Variants in OVCH1 observed in about 807,000 individuals in gnomAD.
OVCH1 encodes the protein ovochymase-1.
OVCH1 carries 139 observed loss-of-function variants against 138.4 expected under a neutral mutation model. The ratio of observed to expected loss-of-function variants is 1.00; its 90% CI spans 0.87 to 1.16. The LOEUF is 1.16. Ranked by LOEUF, OVCH1 falls within the 50% of genes most tolerant of loss-of-function variation. The probability of loss-of-function intolerance (pLI) is 0.00; values close to 1 mark genes in which losing one functional copy is unlikely to be tolerated. For missense variants in OVCH1, 1,367 were observed against 1,357.9 expected (o/e 1.01, Z -0.11); for synonymous variants, 453 against 467.8 (o/e 0.97, Z 0.41).
At chr12:29,486,810 A>C (rs1311908381) in intron 7 of OVCH1, 5 of 410,784 alleles carry the variant, frequency 1.2e-5, no homozygotes, top group Admixed American at 1.1e-4. Context: ...GTCTGATTTC[A>C]TTGCTCTTGT....
intron 22 of OVCH1, among the ~76,000 whole-genome samples, chr12:29,447,935 T>C (rs1313363453): frequency 6.6e-6 from 1 of 151,826 alleles, no homozygotes; most frequent in East Asian, 1.9e-4. Context: ...AGGCAAAAAT[T>C]CCAGCTCTCA....
downstream of OVCH1, chr12:29,423,143 G>A (rs1255363593): frequency 2.3e-6 from 1 of 434,950 alleles, no homozygotes; most frequent in Non-Finnish European, 4.6e-6. Context: ...TAGGAAATTG[G>A]GTCTCAATAT....
intron 9 of OVCH1, among the ~76,000 whole-genome samples, chr12:29,478,084 C>T (rs1942803979): frequency 6.6e-6 from 1 of 152,118 alleles, no homozygotes; most frequent in South Asian, 2.1e-4. Flanking sequence ...TTATAGAGAA[C>T]TAGAGATCCA....
rs369684348 is a variant in OVCH1, at chr12:29,468,337, AAATT to A, written c.1857-3122_1857-3119del. Among the ~76,000 whole-genome samples, 604 of 152,304 alleles carry A rather than the reference AAATT, an allele frequency of 4.0e-3. 4 individuals are homozygous for A. Among genetic ancestry groups the A allele is most frequent in the African/African-American group, 0.013 (527 of 41,562 alleles). On this transcript the variant is annotated intron_variant, in intron 16 of 27. Coordinates refer to ENST00000318184, the Ensembl canonical transcript of OVCH1. The stretch of plus-strand genomic sequence containing the variant: ...TAAAGAAATTAAGAAGTCAAAAATG[AAATT>A]AAATACAAATTCTTTTTGTGACTAA...
At chr12:29,416,508 C>T (rs1432459702) in intron 3 of OVCH1, among the ~76,000 whole-genome samples, 1 of 152,064 alleles carries the variant, frequency 6.6e-6, no homozygotes, top group Non-Finnish European at 1.5e-5. Flanking sequence ...TATGAAGGGG[C>T]TTGTCACTGA....
At chr12:29,470,589 G>T (rs1195455233) in intron 16 of OVCH1, among the ~76,000 whole-genome samples, 1 of 152,146 alleles carries the variant, frequency 6.6e-6, no homozygotes, top group East Asian at 1.9e-4. Flanking sequence ...TGGTATATAT[G>T]TGCCACATTT....
intron 16 of OVCH1, 111 bp from the exon 17 acceptor site, chr12:29,465,330 G>T: frequency 1.1e-6 from 1 of 878,268 alleles, no homozygotes; most frequent in East Asian, 2.8e-5. Context: ...AAGACGTTCT[G>T]AGGAAAAGAG....
In OVCH1 at chr12:29,476,765, A is replaced by ATG. The variant is rs1565600607; in HGVS notation, c.1377+336_1377+337insCA. Among the ~76,000 whole-genome samples, 18 of 54,070 alleles carry ATG rather than the reference A, an allele frequency of 3.3e-4. No individual in the cohort carries two copies. In the East Asian group the frequency reaches 4.9e-3, roughly 15 times the overall value. 35.5% of individuals were successfully genotyped at this position (54,070 alleles called of 152,430 possible). A position where few individuals can be genotyped will look rare whatever the true frequency, so the allele number is the denominator to read the frequency against. On this transcript the variant is annotated intron_variant, in intron 12 of 27. Transcript: ENST00000318184. ...TAAGTACACACGCGCGCACACACACACACACACACACACACACACACACAC... is the reference window on the plus strand; with the variant it reads ...TAAGTACACACGCGCGCACACACACATGCACACACACACACACACACACACAC...
At chr12:29,469,996 C>T (rs1043148256) in intron 16 of OVCH1, among the ~76,000 whole-genome samples, 3 of 152,000 alleles carry the variant, frequency 2.0e-5, no homozygotes, top group Non-Finnish European at 2.9e-5. Flanking sequence ...TAGTCTGGAT[C>T]GAAAACAAAT....
At chr12:29,403,854 G>T in the OVCH1 span, among the ~76,000 whole-genome samples, 2 of 152,048 alleles carry the variant, frequency 1.3e-5, no homozygotes, top group Non-Finnish European at 2.9e-5. Context: ...TGATCTTCCA[G>T]TGTTTGCCAA....
chr12:29,428,195 A>G (rs1941210763), intron 27 of OVCH1, among the ~76,000 whole-genome samples: 1 of 152,198 alleles, frequency 6.6e-6, no homozygotes, highest in Non-Finnish European at 1.5e-5. Flanking sequence ...GGCTAAAATG[A>G]GGAACTGCTA....
rs1443872349 is a variant in OVCH1, at chr12:29,444,139, C to T, written c.3017+6G>A. The stretch of plus-strand genomic sequence containing the variant: ...TCTTCCATTATAATAATCATGACTT[C>T]CTTACCCCATAGTAGTTCTGTGAGA... On this transcript the variant is annotated splice_donor_region_variant and intron_variant, in intron 24 of 27. Coordinates refer to ENST00000318184, the Ensembl canonical transcript of OVCH1. The T allele has an allele frequency of 1.3e-6, 2 of 1,594,536 alleles. No homozygotes were observed. The highest frequency in any genetic ancestry group is 2.7e-5 in the African/African-American group (2 of 73,768).
At chr12:29,493,329 G>C (rs947850003) in intron 4 of OVCH1, among the ~76,000 whole-genome samples, 1 of 151,974 alleles carries the variant, frequency 6.6e-6, no homozygotes, top group African/African-American at 2.4e-5. Flanking sequence ...ATTCTTTTGG[G>C]ATCCATTCTT....
chr12:29,414,198 G>A (rs1282993416), intron 3 of OVCH1, among the ~76,000 whole-genome samples: 1 of 151,828 alleles, frequency 6.6e-6, no homozygotes, highest in Non-Finnish European at 1.5e-5. Flanking sequence ...GCTAATTTTT[G>A]TATTTTTAGT....
chr12:29,479,102 T>C (rs145421399), intron 8 of OVCH1, among the ~76,000 whole-genome samples, 134 bp from the exon 10 acceptor site: 1 of 152,164 alleles, frequency 6.6e-6, no homozygotes, highest in Non-Finnish European at 1.5e-5. Context: ...TAAAAGGCAA[T>C]AGAACATTGT....
intron 14 of OVCH1, among the ~76,000 whole-genome samples, chr12:29,474,201 A>G (rs1191429155): frequency 3.3e-5 from 5 of 152,124 alleles, no homozygotes; most frequent in African/African-American, 1.2e-4. Context: ...ATAATAAAAC[A>G]ATACGTATAG....
the OVCH1 span, among the ~76,000 whole-genome samples, chr12:29,402,789 G>C: frequency 6.6e-6 from 1 of 151,982 alleles, no homozygotes; most frequent in African/African-American, 2.4e-5. Context: ...ATGGGGTTAG[G>C]GAGGGGGAAT....
intron 17 of OVCH1, 117 bp from the exon 18 acceptor site, chr12:29,464,819 A>G: frequency 1.1e-6 from 1 of 889,740 alleles, no homozygotes. Flanking sequence ...TAAACAATGC[A>G]GAAGACTTTC....
chr12:29,422,099 G>A (rs1941112750), intron 3 of OVCH1, among the ~76,000 whole-genome samples: 2 of 152,100 alleles, frequency 1.3e-5, no homozygotes, highest in Non-Finnish European at 2.9e-5. Flanking sequence ...GTTTAAGGGT[G>A]GATTTTAATC....
Sources: gnomAD v4.1 joint callset for allele counts (sites outside exome capture counted in the v4.1 genomes callset) on GRCh38, gnomAD v4.1.1 for gene constraint, MANE v1.5 for transcripts, NCBI Gene and HGNC (gene_info 2026-07-23, HGNC 2026-07-21) for gene names.